ERC2: variants seen among roughly 807,000 people sequenced by gnomAD.
The protein encoded by ERC2 is ELKS/RAB6-interacting/CAST family member 2, also known as ERC protein 2.
In ERC2, 42 loss-of-function variants were observed where a neutral mutation model predicts 114.8. That is an observed-to-expected ratio of 0.37 (90% CI 0.29 to 0.47). The LOEUF (loss-of-function observed/expected upper bound fraction) is 0.47. Ranked by LOEUF, ERC2 falls within the 20% of genes least tolerant of loss-of-function variation. The probability of loss-of-function intolerance (pLI) is 0.99; values close to 1 mark genes in which losing one functional copy is unlikely to be tolerated. For missense variants in ERC2, 939 were observed against 1,150.7 expected (o/e 0.82, Z 2.66); for synonymous variants, 454 against 425.5 (o/e 1.07, Z -0.82).
intron 17 of ERC2, among the ~76,000 whole-genome samples, chr3:55,655,454 A>G (rs2060816809): frequency 6.6e-6 from 1 of 152,230 alleles, no homozygotes; most frequent in South Asian, 2.1e-4. Context: ...AGTGTTTAAA[A>G]GAATTGAAAT....
intron 17 of ERC2, among the ~76,000 whole-genome samples, chr3:55,611,804 G>T (rs1280742205): frequency 1.3e-5 from 2 of 152,154 alleles, no homozygotes; most frequent in Non-Finnish European, 2.9e-5. Context: ...TCTTCCCCTA[G>T]TTCTTTTAGG....
chr3:55,812,477 A>G (rs539451481), intron 14 of ERC2, among the ~76,000 whole-genome samples: 1 of 152,360 alleles, frequency 6.6e-6, no homozygotes, highest in South Asian at 2.1e-4. Flanking sequence ...TGTTCCAGAC[A>G]TTGGATTCCA....
rs576151946 is a variant in ERC2 at position 55,970,152 on chromosome 3, T to C, written c.2267+15825A>G. ...CAAAATGTAGTACCTCATTGAACCATCAAAAAAGCAGTGCCAATATAAAGC... is the reference window on the plus strand; with the variant it reads ...CAAAATGTAGTACCTCATTGAACCACCAAAAAAGCAGTGCCAATATAAAGC... On this transcript the variant is annotated intron_variant, in intron 12 of 17. Coordinates refer to ENST00000288221, the MANE Select transcript of ERC2 (RefSeq NM_015576.3). 2.0e-5 allele frequency among the ~76,000 whole-genome samples: 3 copies of C among 152,236 alleles called. No homozygotes were observed. In the East Asian group the frequency reaches 5.8e-4, roughly 29 times the overall value.
intron 14 of ERC2, among the ~76,000 whole-genome samples, chr3:55,786,035 T>A (rs1006142643): frequency 6.6e-6 from 1 of 152,262 alleles, no homozygotes; most frequent in African/African-American, 2.4e-5. Context: ...GGATCATGCC[T>A]GTACATCTGT....
At chr3:56,152,359 A>G (rs1335160002) in intron 4 of ERC2, among the ~76,000 whole-genome samples, 2 of 151,892 alleles carry the variant, frequency 1.3e-5, no homozygotes, top group Non-Finnish European at 2.9e-5. Flanking sequence ...AAGAGTCAAA[A>G]CAACAATTTG....
chr3:55,844,301 CAT>C (rs1437396953), intron 14 of ERC2, among the ~76,000 whole-genome samples: 1 of 152,022 alleles, frequency 6.6e-6, no homozygotes, highest in Non-Finnish European at 1.5e-5. Flanking sequence ...CAAATGGAAA[CAT>C]ACATGAAAAA....
At chr3:56,382,556 A>G in intron 2 of ERC2, among the ~76,000 whole-genome samples, 1 of 151,998 alleles carries the variant, frequency 6.6e-6, no homozygotes, top group Non-Finnish European at 1.5e-5. Context: ...ATATTTCCTG[A>G]TCTATCTAAA....
chr3:56,216,171 C>A (rs1232742733), intron 3 of ERC2, among the ~76,000 whole-genome samples: 2 of 152,064 alleles, frequency 1.3e-5, no homozygotes, highest in African/African-American at 4.8e-5. Flanking sequence ...GATAGAGATA[C>A]AAAAAACCCT....
At chr3:55,653,345 A>G (rs1337227212) in intron 17 of ERC2, among the ~76,000 whole-genome samples, 2 of 152,178 alleles carry the variant, frequency 1.3e-5, no homozygotes, top group Non-Finnish European at 2.9e-5. Context: ...CTTACTTGCA[A>G]TAGTGATCAC....
chr3:56,320,283 A>G (rs1195343729), intron 2 of ERC2, among the ~76,000 whole-genome samples: 1 of 152,254 alleles, frequency 6.6e-6, no homozygotes, highest in Non-Finnish European at 1.5e-5. Context: ...TCAAGGAAAC[A>G]AAAATATTAT....
intron 7 of ERC2, among the ~76,000 whole-genome samples, chr3:56,021,062 G>A (rs1403383458): frequency 6.6e-6 from 1 of 152,040 alleles, no homozygotes; most frequent in Non-Finnish European, 1.5e-5. Context: ...CTGACTAACA[G>A]AGCTGGAATT....
chr3:56,050,986 A>G (rs2075735535), intron 7 of ERC2, among the ~76,000 whole-genome samples: 2 of 152,192 alleles, frequency 1.3e-5, no homozygotes, highest in African/African-American at 2.4e-5. Flanking sequence ...AGCACATGAG[A>G]AACTCATATA....
intron 2 of ERC2, among the ~76,000 whole-genome samples, chr3:56,347,377 G>C (rs1300446148): frequency 6.6e-6 from 1 of 152,022 alleles, no homozygotes; most frequent in Admixed American, 6.6e-5. Context: ...CTTCCTGTTA[G>C]GTTCTGCCTA....
At chr3:55,799,412 TTA>T (rs1187385635) in intron 14 of ERC2, among the ~76,000 whole-genome samples, 1 of 107,064 alleles carries the variant, frequency 9.3e-6, no homozygotes, top group African/African-American at 5.1e-5. Context: ...TATATATGCC[TTA>T]TATATATGCA....
intron 13 of ERC2, among the ~76,000 whole-genome samples, chr3:55,918,855 A>C (rs1423817302): frequency 6.6e-6 from 1 of 151,202 alleles, no homozygotes; most frequent in Non-Finnish European, 1.5e-5. Flanking sequence ...ATGCCAAAAC[A>C]CAGCATTGTG....
chr3:55,713,039 T>C (rs1478274694), intron 15 of ERC2, among the ~76,000 whole-genome samples: 1 of 151,854 alleles, frequency 6.6e-6, no homozygotes, highest in African/African-American at 2.4e-5. Flanking sequence ...TGTGCAATGC[T>C]AATGCTCTAA....
At chr3:55,598,630 G>T (rs1423741793) in intron 17 of ERC2, among the ~76,000 whole-genome samples, 1 of 152,242 alleles carries the variant, frequency 6.6e-6, no homozygotes, top group African/African-American at 2.4e-5. Flanking sequence ...CCCTTCCAGA[G>T]ATGCACCACT....
chr3:56,110,158 G>A (rs1198348967), intron 6 of ERC2, among the ~76,000 whole-genome samples: 2 of 152,122 alleles, frequency 1.3e-5, no homozygotes, highest in African/African-American at 4.8e-5. Context: ...GTGTTATGCT[G>A]AACATTTTCA....
chr3:56,149,971 C>CA (rs368655435), intron 4 of ERC2, among the ~76,000 whole-genome samples: 27 of 151,522 alleles, frequency 1.8e-4, no homozygotes, highest in Non-Finnish European at 3.2e-4. Flanking sequence ...CAAAACAAAA[C>CA]AAAAAAAATG....
Sources: allele counts gnomAD v4.1 joint callset (sites outside exome capture counted in the v4.1 genomes callset), GRCh38; gene constraint gnomAD v4.1.1; transcripts MANE v1.5; gene names NCBI Gene and HGNC (gene_info 2026-07-23, HGNC 2026-07-21).